Variants in MYLK observed in about 807,000 individuals in gnomAD.
The protein encoded by MYLK is myosin light chain kinase, smooth muscle.
In MYLK, 106 loss-of-function variants were observed where a neutral mutation model predicts 203.4. That is an observed-to-expected ratio of 0.52 (90% CI 0.45 to 0.61). The LOEUF (loss-of-function observed/expected upper bound fraction) is 0.61. MYLK is among the 20% of genes least tolerant of loss of function. The pLI is 0.00. For missense variants in MYLK, 2,072 were observed against 2,442.3 expected (o/e 0.85, Z 3.20); for synonymous variants, 867 against 959.5 (o/e 0.90, Z 1.78).
At chr3:123,777,320 G>A (rs542613610) in intron 4 of MYLK, among the ~76,000 whole-genome samples, 1 of 152,346 alleles carries the variant, frequency 6.6e-6, no homozygotes, top group East Asian at 1.9e-4. Flanking sequence ...CAGATATCCT[G>A]GCTACGAAAT....
Position 123,660,844 on chromosome 3 carries a change from A to G in MYLK, c.3985+3261T>C, listed in dbSNP as rs552694574. Among the ~76,000 whole-genome samples, 6 of 152,360 alleles carry G rather than the reference A, an allele frequency of 3.9e-5. No homozygotes were observed. The East Asian group carries it at 1.2e-3, about 29-fold the overall frequency. ...TACATCTGCTTAATAAACCCTGATC[A>G]GGGAATACAGAGATGTCCCTGAAGA... On this transcript the variant is annotated intron_variant, in intron 23 of 33. Coordinates refer to ENST00000360304, the MANE Select transcript of MYLK (RefSeq NM_053025.4).
In MYLK at chr3:123,738,847, G is replaced by A. The variant is rs575162690; in HGVS notation, c.588+50C>T. ...TCGGGTATGTCTATTAGCAGCATGA[G>A]AACAGACTAATACAGGCTGGATCAG... On this transcript the variant is annotated intron_variant, in intron 7 of 33. Transcript: ENST00000360304. 15 of 1,572,388 alleles carry A rather than the reference G, an allele frequency of 9.5e-6. No homozygotes were observed. In the South Asian group the frequency reaches 1.6e-4, roughly 17 times the overall value.
chr3:123,735,242 G>A (rs1452515210), intron 9 of MYLK, 156 bp downstream of exon 9: 8 of 1,000,486 alleles, frequency 8.0e-6, no homozygotes, highest in Non-Finnish European at 1.3e-5. Flanking sequence ...ATTACAATAG[G>A]AGAACAAGAC....
At chr3:123,817,077 C>T (rs1482920798) in intron 3 of MYLK, among the ~76,000 whole-genome samples, 2 of 152,196 alleles carry the variant, frequency 1.3e-5, no homozygotes, top group Non-Finnish European at 1.5e-5. Context: ...CTTCCTCACT[C>T]TCTCACTTTC....
intron 4 of MYLK, among the ~76,000 whole-genome samples, chr3:123,776,770 T>C (rs2064093808): frequency 6.6e-6 from 1 of 152,218 alleles, no homozygotes; most frequent in African/African-American, 2.4e-5. Context: ...ATTATCCCCA[T>C]TTTATAGATA....
At chr3:123,759,709 T>C (rs2063474085) in intron 4 of MYLK, among the ~76,000 whole-genome samples, 1 of 152,200 alleles carries the variant, frequency 6.6e-6, no homozygotes, top group South Asian at 2.1e-4. Context: ...TCTTTGAATA[T>C]TGAGAGACCA....
In MYLK at chr3:123,647,436, G is replaced by C; in HGVS notation, c.4416-9C>G. 1 of 1,613,592 alleles carries C rather than the reference G, an allele frequency of 6.2e-7. No individual in the cohort carries two copies. Among genetic ancestry groups the C allele is most frequent in the Non-Finnish European group, 8.5e-7 (1 of 1,179,528 alleles). Reference sequence around the variant, plus strand: ...CCTGTCCAAATTTCCCACTGCAAATGAAAGGGGGAGGAGAGAAAAGCCACA... The same window carrying C: ...CCTGTCCAAATTTCCCACTGCAAATCAAAGGGGGAGGAGAGAAAAGCCACA... On this transcript the variant is annotated splice_polypyrimidine_tract_variant and intron_variant, in intron 26 of 33. Transcript: ENST00000360304.
At chr3:123,721,805 ATGGCCCC>A (rs1343195808) in intron 13 of MYLK, among the ~76,000 whole-genome samples, 1 of 147,348 alleles carries the variant, frequency 6.8e-6, no homozygotes, top group Non-Finnish European at 1.5e-5. Context: ...ATACCTTTCC[ATGGCCCC>A]AGTGGAGTGA....
At chr3:123,789,432 G>C (rs1408413484) in intron 4 of MYLK, among the ~76,000 whole-genome samples, 1 of 152,058 alleles carries the variant, frequency 6.6e-6, no homozygotes, top group Non-Finnish European at 1.5e-5. Context: ...TGGGTCCTGG[G>C]TGCCCAGCAC....
At chr3:123,725,752 G>C (rs1479868760) in intron 12 of MYLK, among the ~76,000 whole-genome samples, 192 bp downstream of exon 12, 1 of 152,248 alleles carries the variant, frequency 6.6e-6, no homozygotes, top group Non-Finnish European at 1.5e-5. Flanking sequence ...TCAAGGCTCA[G>C]ACAGGAGTAG....
At chr3:123,709,158 G>C in intron 14 of MYLK, 1 of 140,382 alleles carries the variant, frequency 7.1e-6, no homozygotes, top group Non-Finnish European at 1.2e-5. Flanking sequence ...TTTTTTTTTT[G>C]AGACAGAGTC....
In MYLK at chr3:123,639,123, G is replaced by T. The variant is rs1229584162; in HGVS notation, c.4838-929C>A. 1.3e-5 allele frequency: 12 copies of T among 906,384 alleles called. No individual in the cohort carries two copies. In the South Asian group the frequency reaches 3.5e-4, roughly 27 times the overall value. 56.1% of individuals were successfully genotyped at this position (906,384 alleles called of 1,614,324 possible). On this transcript the variant is annotated intron_variant, in intron 28 of 33. Transcript: ENST00000360304. ...GTGTTCCCTGGGCTCTGACACTGCC[G>T]ACTCCTGAGGACAGTGGCCTATTTG... is the stretch of plus-strand genomic sequence containing the variant.
intron 5 of MYLK, among the ~76,000 whole-genome samples, chr3:123,742,660 A>G (rs1359829781): frequency 6.6e-6 from 1 of 152,222 alleles, no homozygotes; most frequent in Non-Finnish European, 1.5e-5. Context: ...TGTACCATCC[A>G]TTGTACTACC....
chr3:123,628,359 G>T (rs1475165373), intron 30 of MYLK, among the ~76,000 whole-genome samples: 2 of 152,150 alleles, frequency 1.3e-5, no homozygotes, highest in Admixed American at 6.5e-5. Flanking sequence ...CGGCAGCCCC[G>T]CAAGGCTGCA....
intron 5 of MYLK, among the ~76,000 whole-genome samples, chr3:123,740,971 T>C (rs2062837776): frequency 6.6e-6 from 1 of 151,976 alleles, no homozygotes. Flanking sequence ...AACTCTAAAG[T>C]AGTGGGAGTT....
At chr3:123,758,630 A>C (rs1576871266) in intron 4 of MYLK, among the ~76,000 whole-genome samples, 2 of 152,086 alleles carry the variant, frequency 1.3e-5, no homozygotes, top group Non-Finnish European at 2.9e-5. Flanking sequence ...GTCACTGAAA[A>C]CACAAGGCAA....
In MYLK at chr3:123,640,835, C is replaced by T. The variant is rs928709705; in HGVS notation, c.4620-331G>A. On this transcript the variant is annotated intron_variant, in intron 27 of 33. Transcript: ENST00000360304. The surrounding 1 kb of genome is among the most constrained non-coding windows in gnomAD (Gnocchi z 4.3). ...GAGTGACCTCTAAACAGTCTCTTTC[C>T]CTCAAATGACCACACATGCCTAAGG... Among the ~76,000 whole-genome samples, 1 of 152,192 alleles carries T rather than the reference C, an allele frequency of 6.6e-6. No homozygotes were observed. The highest frequency in any genetic ancestry group is 1.5e-5 in the Non-Finnish European group (1 of 68,024).
At chr3:123,827,437 C>T (rs1036114141) in intron 3 of MYLK, among the ~76,000 whole-genome samples, 7 of 151,624 alleles carry the variant, frequency 4.6e-5, no homozygotes, top group African/African-American at 1.7e-4. Context: ...AAGGGAATCT[C>T]TATTAGACTA....
intron 5 of MYLK, among the ~76,000 whole-genome samples, chr3:123,746,026 T>G (rs2063004552): frequency 6.6e-6 from 1 of 151,766 alleles, no homozygotes; most frequent in Non-Finnish European, 1.5e-5. Flanking sequence ...TATGGCTAAT[T>G]TTTATGTTTT....
Sources: gnomAD v4.1 joint callset for allele counts (sites outside exome capture counted in the v4.1 genomes callset) on GRCh38, gnomAD v4.1.1 for gene constraint, Gnocchi (gnomAD v3.1) non-coding constraint, MANE v1.5 for transcripts, NCBI Gene and HGNC (gene_info 2026-07-23, HGNC 2026-07-21) for gene names.